The following GRIK3 variants were observed in gnomAD, a reference collection of about 807,000 sequenced individuals.
The protein encoded by GRIK3 is glutamate ionotropic receptor kainate type subunit 3.
In GRIK3, 29 loss-of-function variants were observed where a neutral mutation model predicts 102.5. The observed-to-expected ratio is 0.28, with a 90% CI of 0.21 to 0.39. The LOEUF (loss-of-function observed/expected upper bound fraction) is 0.39, where lower values mean the gene tolerates loss of function less well. Ranked by LOEUF, GRIK3 falls within the 10% of genes least tolerant of loss-of-function variation. GRIK3 has a pLI of 1.00. For missense variants in GRIK3, 908 were observed against 1,252.4 expected (o/e 0.73, Z 4.15); for synonymous variants, 511 against 504.9 (o/e 1.01, Z -0.16).
At chr1:36,986,454 CCAT>C (rs1642306850) in intron 1 of GRIK3, among the ~76,000 whole-genome samples, 17 of 148,622 alleles carry the variant, frequency 1.1e-4, no homozygotes, top group African/African-American at 4.3e-4. Context: ...ATCCATCCAT[CCAT>C]CCATCAGCCC....
intron 10 of GRIK3, among the ~76,000 whole-genome samples, chr1:36,837,429 T>C (rs1640392382): frequency 6.6e-6 from 1 of 152,100 alleles, no homozygotes; most frequent in African/African-American, 2.4e-5. Context: ...ACCTCCTCTA[T>C]CCAACCAATC....
chr1:36,984,910 G>C (rs1003273788), intron 1 of GRIK3, among the ~76,000 whole-genome samples: 5 of 152,206 alleles, frequency 3.3e-5, no homozygotes, highest in Non-Finnish European at 7.3e-5. Context: ...CAGCGGAGGG[G>C]GTGGCGGGGC....
In GRIK3 at chr1:36,804,968, T is replaced by G. The variant is rs752779147; in HGVS notation, c.2565+19A>C. The stretch of plus-strand genomic sequence containing the variant: ...TCTCCATTTCCCATCCTGTGCAGGC[T>G]CCAAGCTCTAAGGCTTACCTGCTCT... On this transcript the variant is annotated intron_variant, in intron 15 of 15. Transcript: ENST00000373091. The G allele has an allele frequency of 6.2e-7, 1 of 1,613,592 alleles. No individual in the cohort carries two copies. The highest frequency in any genetic ancestry group is 1.1e-5 in the South Asian group (1 of 91,016).
At chr1:36,917,461 T>C (rs1641414221) in intron 1 of GRIK3, among the ~76,000 whole-genome samples, 1 of 152,348 alleles carries the variant, frequency 6.6e-6, no homozygotes, top group Non-Finnish European at 1.5e-5. Context: ...ATGGTTTGGC[T>C]GTGTCCCCAT....
intron 1 of GRIK3, among the ~76,000 whole-genome samples, chr1:36,969,745 C>T (rs1557446178): frequency 6.6e-6 from 1 of 152,208 alleles, no homozygotes; most frequent in Non-Finnish European, 1.5e-5. Context: ...TCACAGAGTT[C>T]AATGCAGTCT....
intron 3 of GRIK3, among the ~76,000 whole-genome samples, chr1:36,876,910 A>G (rs1403380753): frequency 6.6e-6 from 1 of 152,246 alleles, no homozygotes; most frequent in African/African-American, 2.4e-5. Flanking sequence ...ACTGAATCAA[A>G]TGGAAAATGA....
chr1:36,876,540 T>C (rs1213093075), intron 3 of GRIK3, among the ~76,000 whole-genome samples: 1 of 152,200 alleles, frequency 6.6e-6, no homozygotes, highest in Non-Finnish European at 1.5e-5. Flanking sequence ...GAAAGGCCCA[T>C]CTCCAGAATT....
intron 1 of GRIK3, among the ~76,000 whole-genome samples, chr1:36,919,075 T>C (rs781343499): frequency 6.6e-6 from 1 of 152,242 alleles, no homozygotes; most frequent in Non-Finnish European, 1.5e-5. Context: ...GGACTGTTTT[T>C]ATGGCTTTCC....
rs1313706784 is a variant in GRIK3 at position 36,800,457 on chromosome 1, C to G, written c.*1394G>C. 2.0e-5 allele frequency: 3 copies of G among 152,338 alleles called. No individual in the cohort carries two copies. The highest frequency in any genetic ancestry group is 7.2e-5 in the African/African-American group (3 of 41,474). 9.4% of individuals were successfully genotyped at this position (152,338 alleles called of 1,614,324 possible). ...AAGCTGGAACTCATAGGTCCACCCC[C>G]TGGCTGGTACCCAACCTGCTGCTAC... On this transcript the variant is annotated 3_prime_UTR_variant, in exon 16 of 16. Coordinates refer to ENST00000373091, the MANE Select transcript of GRIK3 (RefSeq NM_000831.4).
At chr1:36,821,474 G>A (rs1642694972) in intron 11 of GRIK3, among the ~76,000 whole-genome samples, 1 of 152,206 alleles carries the variant, frequency 6.6e-6, no homozygotes, top group South Asian at 2.1e-4. Context: ...GTAACTGAGC[G>A]GATGGACCTG....
chr1:36,871,583 C>T (rs1269153752), intron 4 of GRIK3, among the ~76,000 whole-genome samples: 2 of 152,336 alleles, frequency 1.3e-5, no homozygotes, highest in South Asian at 2.1e-4. Flanking sequence ...AGGTGACTGG[C>T]GGAGCTTGGC....
Position 36,801,872 on chromosome 1 carries a change from G to A in GRIK3, c.2739C>T (p.Ser913=), listed in dbSNP as rs1642444145. The A allele has an allele frequency of 2.5e-6, 4 of 1,610,272 alleles. No individual in the cohort carries two copies. Among genetic ancestry groups the A allele is most frequent in the African/African-American group, 1.3e-5 (1 of 75,068 alleles). Residue 913 remains serine (S), a synonymous_variant, in exon 16 of 16, where the codon TCC becomes TCT. Coordinates refer to ENST00000373091, the MANE Select transcript of GRIK3 (RefSeq NM_000831.4). ...PGKDSMACST[S]LAPVFP is the part of the protein sequence containing the mutation. ...GTGCCTAGGGGAACACAGGGGCTAAGGATGTGCTGCAGGCCATGCTGTCCT... is the reference window on the plus strand; with the variant it reads ...GTGCCTAGGGGAACACAGGGGCTAAAGATGTGCTGCAGGCCATGCTGTCCT...
chr1:36,947,302 C>T (rs1217451891), intron 1 of GRIK3, among the ~76,000 whole-genome samples: 1 of 152,070 alleles, frequency 6.6e-6, no homozygotes, highest in African/African-American at 2.4e-5. Flanking sequence ...CTCCTCTTGC[C>T]CTGCCCCCAT....
At chr1:36,912,911 C>T (rs72668201) in intron 1 of GRIK3, among the ~76,000 whole-genome samples, 26 of 152,336 alleles carry the variant, frequency 1.7e-4, no homozygotes, top group African/African-American at 4.6e-4. Flanking sequence ...TTGATATTTA[C>T]GTGACAAATC....
intron 1 of GRIK3, among the ~76,000 whole-genome samples, chr1:36,964,361 C>T (rs1009849967): frequency 3.9e-5 from 6 of 152,172 alleles, no homozygotes; most frequent in Non-Finnish European, 8.8e-5. Flanking sequence ...GGCAAACTCC[C>T]CAAGGGGAGG....
At chr1:36,984,391 A>G (rs981732153) in intron 1 of GRIK3, among the ~76,000 whole-genome samples, 1 of 152,230 alleles carries the variant, frequency 6.6e-6, no homozygotes. Flanking sequence ...CAGGAGCTCC[A>G]GTGGGAGACA....
chr1:36,902,339 A>G (rs1641240491), intron 1 of GRIK3, among the ~76,000 whole-genome samples: 1 of 152,246 alleles, frequency 6.6e-6, no homozygotes, highest in Admixed American at 6.5e-5. Flanking sequence ...CTTGCTATAA[A>G]GCTATAGTAA....
At chr1:37,006,550 AG>A (rs1642534872) in intron 1 of GRIK3, among the ~76,000 whole-genome samples, 1 of 152,254 alleles carries the variant, frequency 6.6e-6, no homozygotes, top group African/African-American at 2.4e-5. Flanking sequence ...GCATGAGAGG[AG>A]GAGGCAGCTA....
intron 1 of GRIK3, among the ~76,000 whole-genome samples, chr1:36,931,596 A>G (rs1641589944): frequency 6.6e-6 from 1 of 152,226 alleles, no homozygotes; most frequent in South Asian, 2.1e-4. Context: ...AGCGCCCAGC[A>G]CAATGCTGGC....
Sources: gnomAD v4.1 joint callset for allele counts (sites outside exome capture counted in the v4.1 genomes callset) on GRCh38, gnomAD v4.1.1 for gene constraint, MANE v1.5 for transcripts, NCBI Gene and HGNC (gene_info 2026-07-23, HGNC 2026-07-21) for gene names.